The following ZNF721 variants were observed in gnomAD, a reference collection of about 807,000 sequenced individuals.
The protein encoded by ZNF721 is zinc finger protein 721.
A neutral mutation model predicts 2.4 loss-of-function variants in ZNF721; 2 were observed. The ratio of observed to expected loss-of-function variants is 0.82; its 90% CI spans 0.34 to 2.58. ZNF721 has a LOEUF of 2.58. Ranked by LOEUF, ZNF721 falls within the 30% of genes most tolerant of loss-of-function variation. ZNF721 has a pLI of 0.11. For synonymous variants in ZNF721, 398 were observed against 381.8 expected, an observed-to-expected ratio of 1.04 and a Z score of -0.50; for missense variants, 1,187 against 1,085.5, an observed-to-expected ratio of 1.09 and a Z score of -1.31.
intron 1 of ZNF721, among the ~76,000 whole-genome samples, chr4:475,527 T>G (rs1240573811): frequency 3.9e-5 from 6 of 152,200 alleles, no homozygotes; most frequent in Non-Finnish European, 5.9e-5. Flanking sequence ...TGCAACCTAA[T>G]GCTCTATGGT....
At chr4:476,012 T>C (rs1715615849) in intron 1 of ZNF721, among the ~76,000 whole-genome samples, 1 of 152,244 alleles carries the variant, frequency 6.6e-6, no homozygotes, top group African/African-American at 2.4e-5. Context: ...AACTTTTTTT[T>C]ACTTTCATGA....
At chr4:478,490 T>G (rs1715692099) in intron 1 of ZNF721, among the ~76,000 whole-genome samples, 1 of 152,144 alleles carries the variant, frequency 6.6e-6, no homozygotes, top group Non-Finnish European at 1.5e-5. Flanking sequence ...CTTTCCCAGT[T>G]ATGTGGATTA....
Position 443,425 on chromosome 4 carries a change from G to A in ZNF721, c.1042C>T (p.Leu348Phe), listed in dbSNP as rs1553863645. Residue 348 changes from leucine to phenylalanine, a missense_variant, in exon 3 of 3, where the codon CTT becomes TTT. By Grantham distance (22) the Leu-to-Phe change is conservative. Transcript: ENST00000511833. ...CGKTFRQSANLYVHRRIHTGE... is the reference protein window; with the variant it reads ...CGKTFRQSANFYVHRRIHTGE... ...GTATGAATTCTCCTATGTACGTAAA[G>A]GTTTGCGGACTGTCTAAAGGTTTTG... 4 of 1,612,120 alleles carry A rather than the reference G, an allele frequency of 2.5e-6. No homozygotes were observed. The South Asian group carries it at 4.4e-5, about 18-fold the overall frequency.
chr4:466,486 C>T (rs1370701225), intron 2 of ZNF721, among the ~76,000 whole-genome samples: 5 of 152,202 alleles, frequency 3.3e-5, no homozygotes, highest in Non-Finnish European at 5.9e-5. Context: ...CTGCTTTCTA[C>T]ATTTTGTACA....
intron 1 of ZNF721, among the ~76,000 whole-genome samples, chr4:495,183 A>G (rs1716118162): frequency 6.6e-6 from 1 of 152,068 alleles, no homozygotes; most frequent in South Asian, 2.1e-4. Context: ...CGCCCAGCCT[A>G]AATTTTTTTT....
chr4:448,416 A>G (rs533264809), intron 2 of ZNF721, among the ~76,000 whole-genome samples: 27 of 150,772 alleles, frequency 1.8e-4, no homozygotes, highest in African/African-American at 6.3e-4. Flanking sequence ...AGCCTGGGTG[A>G]CAGAGCAGGA....
intron 1 of ZNF721, among the ~76,000 whole-genome samples, chr4:483,438 G>C (rs1553869816): frequency 6.6e-6 from 1 of 152,018 alleles, no homozygotes; most frequent in Non-Finnish European, 1.5e-5. Context: ...TGTAATCCCA[G>C]CTACTTGGGA....
chr4:469,376 T>C, intron 2 of ZNF721, among the ~76,000 whole-genome samples: 1 of 152,134 alleles, frequency 6.6e-6, no homozygotes, highest in Middle Eastern at 3.4e-3. Context: ...ATACATTAAA[T>C]ACAATAAAGC....
intron 1 of ZNF721, among the ~76,000 whole-genome samples, chr4:480,410 G>A (rs782418442): frequency 3.3e-5 from 5 of 152,166 alleles, no homozygotes; most frequent in South Asian, 2.1e-4. Flanking sequence ...TTAACTGTCA[G>A]AAAAACTCAA....
At chr4:484,635 C>T (rs1334036576) in intron 1 of ZNF721, among the ~76,000 whole-genome samples, 1 of 152,216 alleles carries the variant, frequency 6.6e-6, no homozygotes, top group Non-Finnish European at 1.5e-5. Context: ...ACTCCAGTCT[C>T]CCATAGTGCT....
rs1714344025 is a variant in ZNF721, at chr4:443,407, T to C, written c.1060A>G (p.Ile354Val). Residue 354 changes from isoleucine to valine, a missense_variant, in exon 3 of 3, where the codon ATT becomes GTT. Ile to Val is a conservative substitution (Grantham distance 29). Coordinates refer to ENST00000511833, the MANE Select transcript of ZNF721 (RefSeq NM_133474.4). ...TTGTAAGGTTTCTCTCCAGTATGAA[T>C]TCTCCTATGTACGTAAAGGTTTGCG... Reference protein sequence around the residue: ...QSANLYVHRRIHTGEKPYKCE... With the variant: ...QSANLYVHRRVHTGEKPYKCE... The C allele has an allele frequency of 1.9e-6, 3 of 1,613,104 alleles. No homozygotes were observed. Among genetic ancestry groups the C allele is most frequent in the Non-Finnish European group, 2.5e-6 (3 of 1,179,186 alleles).
At chr4:492,543 C>A (rs1553871632) in intron 1 of ZNF721, among the ~76,000 whole-genome samples, 1 of 150,404 alleles carries the variant, frequency 6.6e-6, no homozygotes, top group African/African-American at 2.4e-5. Context: ...TTTTTTACAC[C>A]AAGCCCAATC....
intron 2 of ZNF721, among the ~76,000 whole-genome samples, chr4:466,099 C>T (rs1287951762): frequency 4.6e-5 from 7 of 151,242 alleles, no homozygotes; most frequent in African/African-American, 1.7e-4. Flanking sequence ...AGGGTTGAAG[C>T]GATTCTCCTG....
chr4:458,860 A>T (rs555183823), intron 2 of ZNF721, among the ~76,000 whole-genome samples: 72 of 151,264 alleles, frequency 4.8e-4, no homozygotes, highest in African/African-American at 1.6e-3. Context: ...AAAAAAAAAC[A>T]GATCTAAAAA....
chr4:459,388 T>C (rs115928629), intron 2 of ZNF721, among the ~76,000 whole-genome samples: 1,721 of 152,124 alleles, frequency 0.011, 17 homozygotes, highest in Middle Eastern at 0.071. Context: ...GTGTGCTATA[T>C]TGAGGAGACC....
rs1553863596 is a variant in ZNF721, at chr4:443,260, T to C, written c.1207A>G (p.Asn403Asp). Residue 403 changes from asparagine to aspartate, a missense_variant, in exon 3 of 3, where the codon AAC becomes GAC. Transcript: ENST00000511833. ...ECGKAFNSST[N>D]LTAHKRIHTR... ...TGAATTCTCTTATGTGCAGTAAGGTTTGTTGAACTATTAAAGGCTTTGCCA... is the reference window on the plus strand; with the variant it reads ...TGAATTCTCTTATGTGCAGTAAGGTCTGTTGAACTATTAAAGGCTTTGCCA... The C allele has an allele frequency of 2.5e-6, 4 of 1,613,756 alleles. No homozygotes were observed. In the African/African-American group the frequency reaches 4.0e-5, roughly 16 times the overall value.
intron 2 of ZNF721, among the ~76,000 whole-genome samples, chr4:455,565 C>G (rs782533301): frequency 6.6e-6 from 1 of 151,496 alleles, no homozygotes; most frequent in Non-Finnish European, 1.5e-5. Context: ...GACTCCATCT[C>G]AAAACAACCA....
intron 1 of ZNF721, among the ~76,000 whole-genome samples, chr4:485,956 A>G (rs1553870257): frequency 6.6e-6 from 1 of 152,072 alleles, no homozygotes; most frequent in Non-Finnish European, 1.5e-5. Flanking sequence ...GCCTGGCGAC[A>G]GAGCGAGACT....
At chr4:496,154 G>GC (rs57921652) in intron 1 of ZNF721, among the ~76,000 whole-genome samples, 1 of 111,622 alleles carries the variant, frequency 9.0e-6, no homozygotes, top group African/African-American at 6.0e-5. Context: ...TTTTGTGTGT[G>GC]GGGGGTAGAC....
Sources: gnomAD v4.1 joint callset for allele counts (sites outside exome capture counted in the v4.1 genomes callset) on GRCh38, gnomAD v4.1.1 for gene constraint, MANE v1.5 for transcripts, NCBI Gene and HGNC (gene_info 2026-07-23, HGNC 2026-07-21) for gene names.